The following CRACDL variants were observed in gnomAD, a reference collection of about 807,000 sequenced individuals.
CRACDL encodes the protein CRACD like.
Under a neutral mutation model 70.6 loss-of-function variants are expected in CRACDL, and 26 were observed. The ratio of observed to expected loss-of-function variants is 0.37; its 90% CI spans 0.27 to 0.51. The LOEUF (loss-of-function observed/expected upper bound fraction) is 0.51, where lower values mean the gene tolerates loss of function less well. Among genes scored for constraint, CRACDL ranks in the 20% least tolerant of loss-of-function variants. The pLI is 0.94. For synonymous variants in CRACDL, 618 were observed against 615.2 expected (o/e 1.00, Z -0.07); for missense variants, 1,283 against 1,376.9 (o/e 0.93, Z 1.08).
chr2:98,871,052 A>C (rs2104597518), intron 1 of CRACDL, among the ~76,000 whole-genome samples: 1 of 152,330 alleles, frequency 6.6e-6, no homozygotes, highest in East Asian at 1.9e-4. Context: ...ACCGCCTCCC[A>C]GCATGCTCTC....
intron 9 of CRACDL, 97 bp downstream of exon 9, chr2:98,796,023 G>T: frequency 1.7e-6 from 2 of 1,167,704 alleles, no homozygotes; most frequent in Non-Finnish European, 2.6e-6. Flanking sequence ...AATGTTGCAA[G>T]TAATTTGCAA....
chr2:98,821,697 G>A (rs1705035354), intron 7 of CRACDL, among the ~76,000 whole-genome samples, 160 bp downstream of exon 7: 1 of 152,252 alleles, frequency 6.6e-6, no homozygotes, highest in Admixed American at 6.5e-5. Context: ...GGACAAGCTT[G>A]CTCTAGATCA....
chr2:98,833,810 GCA>G (rs748554063), intron 3 of CRACDL, among the ~76,000 whole-genome samples: 4 of 152,156 alleles, frequency 2.6e-5, no homozygotes, highest in Non-Finnish European at 5.9e-5. Context: ...GCCTGCCTCT[GCA>G]CACACTGGAC....
chr2:98,901,231 A>G (rs1383903607), intron 1 of CRACDL, among the ~76,000 whole-genome samples: 2 of 152,234 alleles, frequency 1.3e-5, no homozygotes, highest in African/African-American at 2.4e-5. Flanking sequence ...GCCTGGCCAT[A>G]GAAAGGGCTC....
rs370242955 is a variant in CRACDL at position 98,890,011 on chromosome 2, T to C, written c.-10-43201A>G. Among the ~76,000 whole-genome samples the C allele has an allele frequency of 1.8e-3, 276 of 152,156 alleles. 1 individual carries two copies. Among genetic ancestry groups the C allele is most frequent in the Middle Eastern group, 0.01 (3 of 294 alleles). On this transcript the variant is annotated intron_variant, in intron 1 of 9. Coordinates refer to ENST00000397899, the MANE Select transcript of CRACDL (RefSeq NM_207362.3). The stretch of plus-strand genomic sequence containing the variant: ...TATTTATGGTATGCAGTTAAAACAA[T>C]GCTTGCAAGGATATTTATAGCTGTA...
intron 1 of CRACDL, among the ~76,000 whole-genome samples, chr2:98,915,436 T>C (rs567653106): frequency 2.0e-5 from 3 of 151,926 alleles, no homozygotes; most frequent in South Asian, 4.2e-4. Context: ...CATGGGACCA[T>C]AGGGACCAGG....
chr2:98,889,733 C>T (rs549202601), intron 1 of CRACDL, among the ~76,000 whole-genome samples: 5 of 152,304 alleles, frequency 3.3e-5, no homozygotes, highest in African/African-American at 1.2e-4. Context: ...GCACATGGAA[C>T]ATTATCCAGG....
intron 1 of CRACDL, among the ~76,000 whole-genome samples, chr2:98,926,433 G>C (rs1346321445): frequency 1.3e-5 from 2 of 152,170 alleles, no homozygotes; most frequent in Non-Finnish European, 1.5e-5. Context: ...AGGGTGGGGA[G>C]CATCAGGCCA....
chr2:98,858,370 C>G (rs1706792883), intron 1 of CRACDL, among the ~76,000 whole-genome samples: 1 of 151,896 alleles, frequency 6.6e-6, no homozygotes, highest in Non-Finnish European at 1.5e-5. Flanking sequence ...CAAAAATTAG[C>G]TGGGTGTGGT....
chr2:98,877,498 C>A (rs1573128024), intron 1 of CRACDL, among the ~76,000 whole-genome samples: 1 of 152,148 alleles, frequency 6.6e-6, no homozygotes, highest in East Asian at 1.9e-4. Flanking sequence ...GTAATCCCAG[C>A]ACTTTGGGAG....
intron 1 of CRACDL, among the ~76,000 whole-genome samples, chr2:98,917,207 G>A (rs1378243669): frequency 1.3e-5 from 2 of 152,180 alleles, no homozygotes; most frequent in East Asian, 1.9e-4. Flanking sequence ...TCCGGCAGAC[G>A]AATGACTCAT....
At position 98,823,030 on chromosome 2, in the gene CRACDL, C is replaced by CG. The variant is rs1185707153; in HGVS notation, c.1242dup (p.Glu415ArgfsTer3). ...TCTGAGGTGGCGGCGGGGTCAGTCT[C>CG]GGGGGGAGTCGTGTCCCCCTCAGGG... On this transcript the variant is annotated frameshift_variant, in exon 7 of 10. Transcript: ENST00000397899. LOFTEE classifies it high-confidence loss of function. The surrounding 1 kb of genome is among the most constrained non-coding windows in gnomAD (Gnocchi z 4.0). 1 of 1,542,588 alleles carries CG rather than the reference C, an allele frequency of 6.5e-7. No individual in the cohort carries two copies. Among genetic ancestry groups the CG allele is most frequent in the Non-Finnish European group, 8.7e-7 (1 of 1,146,464 alleles).
At chr2:98,864,549 T>C (rs1313305829) in intron 1 of CRACDL, among the ~76,000 whole-genome samples, 2 of 127,314 alleles carry the variant, frequency 1.6e-5, no homozygotes, top group South Asian at 2.3e-4. Context: ...GATTGTACCC[T>C]TTTTTTTTTT....
At chr2:98,810,123 G>A (rs770214868) in intron 7 of CRACDL, among the ~76,000 whole-genome samples, 15 of 152,274 alleles carry the variant, frequency 9.9e-5, no homozygotes, top group Non-Finnish European at 1.6e-4. Context: ...CCAGGGCATG[G>A]GTATGGGTGC....
intron 7 of CRACDL, among the ~76,000 whole-genome samples, chr2:98,812,205 A>G (rs1704595503): frequency 6.6e-6 from 1 of 152,020 alleles, no homozygotes; most frequent in South Asian, 2.1e-4. Context: ...GAACTCCTGG[A>G]CTCAAGTGAT....
At chr2:98,813,837 G>C (rs1704671779) in intron 7 of CRACDL, among the ~76,000 whole-genome samples, 1 of 152,130 alleles carries the variant, frequency 6.6e-6, no homozygotes, top group Non-Finnish European at 1.5e-5. Context: ...CAAACCACGT[G>C]AAAATGGAGT....
At position 98,823,384 on chromosome 2, in the gene CRACDL, C is replaced by T; in HGVS notation, c.889G>A (p.Ala297Thr). The T allele has an allele frequency of 6.5e-7, 1 of 1,539,892 alleles. No individual in the cohort carries two copies. The highest frequency in any genetic ancestry group is 8.7e-7 in the Non-Finnish European group (1 of 1,150,710). Reference protein sequence around the residue: ...PDRGPEPGPPAPLPPPGGARA... With the variant: ...PDRGPEPGPPTPLPPPGGARA... ...GCCCCTCCGGGTGGCGGCAAGGGCGCCGGTGGCCCAGGCTCAGGGCCTCTG... is the reference window on the plus strand; with the variant it reads ...GCCCCTCCGGGTGGCGGCAAGGGCGTCGGTGGCCCAGGCTCAGGGCCTCTG... The change falls in exon 7 of 10, where the codon GCG becomes ACG. Residue 297 changes from alanine (A) to threonine (T), a missense_variant. Ala to Thr is a moderately conservative substitution (Grantham distance 58). Around this residue, in one of 2 missense-constraint regions of CRACDL, gnomAD observed 362 missense variants for 495.0 expected, o/e 0.73. Coordinates refer to ENST00000397899, the MANE Select transcript of CRACDL (RefSeq NM_207362.3). The surrounding 1 kb of genome is among the most constrained non-coding windows in gnomAD (Gnocchi z 4.0).
intron 1 of CRACDL, among the ~76,000 whole-genome samples, chr2:98,913,694 G>A (rs190556331): frequency 8.5e-5 from 13 of 152,322 alleles, no homozygotes; most frequent in African/African-American, 1.4e-4. Flanking sequence ...CATGGTCTTC[G>A]GGAGCAGAAA....
At position 98,822,462 on chromosome 2, in the gene CRACDL, C is replaced by A; in HGVS notation, c.1811G>T (p.Gly604Val). ...AGCCGCCTCGCTCCTCCAGACCGGG[C>A]CGCTCCTCGCGAGGGGCAGGCGGCC... ...ASGRLPLARS[G>V]PVWRSEAALD... The change falls in exon 7 of 10, where the codon GGC (glycine) becomes GTC (valine). Residue 604 changes from glycine to valine, a missense_variant. Around this residue, in one of 2 missense-constraint regions of CRACDL, gnomAD observed 921 missense variants for 881.9 expected, o/e 1.04. Coordinates refer to ENST00000397899, the MANE Select transcript of CRACDL (RefSeq NM_207362.3). The surrounding 1 kb of genome is among the most constrained non-coding windows in gnomAD (Gnocchi z 4.9). 6.8e-7 allele frequency: 1 copy of A among 1,477,148 alleles called. No homozygotes were observed. Among genetic ancestry groups the A allele is most frequent in the Non-Finnish European group, 8.9e-7 (1 of 1,122,004 alleles). The allele number at this position is 1,477,148 out of a possible 1,614,324, so 91.5% of individuals were successfully genotyped here.
Sources: allele counts gnomAD v4.1 joint callset (sites outside exome capture counted in the v4.1 genomes callset), GRCh38; gene constraint gnomAD v4.1.1; regional missense constraint gnomAD v4.1.1; non-coding constraint Gnocchi (gnomAD v3.1); transcripts MANE v1.5; gene names NCBI Gene and HGNC (gene_info 2026-07-23, HGNC 2026-07-21).